Variants in HCN1 observed in about 807,000 individuals in gnomAD.
HCN1 encodes hyperpolarization activated cyclic nucleotide gated potassium channel 1.
A neutral mutation model predicts 78.9 loss-of-function variants in HCN1; 13 were observed. The observed-to-expected ratio is 0.16, with a 90% CI of 0.11 to 0.26. HCN1 has a LOEUF of 0.26. HCN1 is among the 10% of genes least tolerant of loss of function. The pLI is 1.00. For missense variants in HCN1, 810 were observed against 1,154.3 expected (o/e 0.70, Z 4.32); for synonymous variants, 552 against 455.5 (o/e 1.21, Z -2.70).
At chr5:45,419,911 T>C (rs888826275) in intron 3 of HCN1, among the ~76,000 whole-genome samples, 1 of 152,170 alleles carries the variant, frequency 6.6e-6, no homozygotes, top group Non-Finnish European at 1.5e-5. Flanking sequence ...AAAACTTCCT[T>C]CAACTTTGTA....
chr5:45,412,598 C>T (rs1740044855), intron 3 of HCN1, among the ~76,000 whole-genome samples: 1 of 151,976 alleles, frequency 6.6e-6, no homozygotes, highest in African/African-American at 2.4e-5. Context: ...TTAAGCTTCT[C>T]TCTATTTACA....
intron 1 of HCN1, among the ~76,000 whole-genome samples, chr5:45,677,713 G>A (rs757184533): frequency 7.9e-5 from 12 of 151,926 alleles, no homozygotes; most frequent in Admixed American, 1.3e-4. Context: ...GAAAGAGAGC[G>A]AGTAAATCTA....
At chr5:45,334,762 C>G (rs1156827849) in intron 5 of HCN1, among the ~76,000 whole-genome samples, 4 of 151,880 alleles carry the variant, frequency 2.6e-5, no homozygotes, top group African/African-American at 4.8e-5. Flanking sequence ...CAAATCAGAT[C>G]CTTTACATAA....
intron 5 of HCN1, among the ~76,000 whole-genome samples, chr5:45,313,932 G>A (rs1418821034): frequency 6.6e-6 from 1 of 152,154 alleles, no homozygotes; most frequent in Non-Finnish European, 1.5e-5. Flanking sequence ...AACCAAGTTG[G>A]AAAACACTCT....
chr5:45,646,557 T>A (rs1315842298), intron 1 of HCN1, among the ~76,000 whole-genome samples: 1 of 151,774 alleles, frequency 6.6e-6, no homozygotes, highest in Non-Finnish European at 1.5e-5. Flanking sequence ...CTTTAACATT[T>A]CTAATTTAAT....
In HCN1 at chr5:45,301,559, A is replaced by G. The variant is rs1176076225; in HGVS notation, c.1618+2040T>C. Among the ~76,000 whole-genome samples, 3 of 151,526 alleles carry G rather than the reference A, an allele frequency of 2.0e-5. No homozygotes were observed. The East Asian group carries it at 5.9e-4, about 30-fold the overall frequency. ...ATGGTGACATCCCGTCTCTACAAAA[A>G]ATTAAAAAATAGGAAAGCAGGGCAT... is the stretch of plus-strand genomic sequence containing the variant. On this transcript the variant is annotated intron_variant, in intron 6 of 7. Coordinates refer to ENST00000303230, the MANE Select transcript of HCN1 (RefSeq NM_021072.4).
intron 1 of HCN1, among the ~76,000 whole-genome samples, chr5:45,685,735 G>A (rs1217756581): frequency 6.6e-6 from 1 of 151,888 alleles, no homozygotes; most frequent in Admixed American, 6.6e-5. Context: ...AAGTTTTCCA[G>A]TGCTAACTGC....
intron 1 of HCN1, among the ~76,000 whole-genome samples, chr5:45,665,424 T>C (rs1448950843): frequency 2.0e-5 from 3 of 152,098 alleles, no homozygotes; most frequent in East Asian, 1.9e-4. Context: ...ATTGTGCACA[T>C]GTACCCTAAA....
rs773870237 is a variant in HCN1 at position 45,569,395 on chromosome 5, A to T, written c.849+75790T>A. ...TTAAAGGTTTTACCCATGTAGAAAG[A>T]TTTATATTTTAAAAATTCTTTTGAG... On this transcript the variant is annotated intron_variant, in intron 2 of 7. Transcript: ENST00000303230. Among the ~76,000 whole-genome samples, 6 of 152,296 alleles carry T rather than the reference A, an allele frequency of 3.9e-5. No individual in the cohort carries two copies. The South Asian group carries it at 8.3e-4, about 21-fold the overall frequency.
chr5:45,643,048 T>C (rs1176760649), intron 2 of HCN1: 2 of 152,132 alleles, frequency 1.3e-5, no homozygotes, highest in Non-Finnish European at 2.9e-5. Context: ...TGTGCTTGGT[T>C]ACCAAATGTC....
At chr5:45,275,461 T>C (rs550403149) in intron 6 of HCN1, among the ~76,000 whole-genome samples, 2 of 152,260 alleles carry the variant, frequency 1.3e-5, no homozygotes, top group Admixed American at 6.5e-5. Flanking sequence ...TGTAACATGA[T>C]TGTTTGATTT....
At chr5:45,361,395 T>A (rs993680150) in intron 4 of HCN1, among the ~76,000 whole-genome samples, 1 of 152,134 alleles carries the variant, frequency 6.6e-6, no homozygotes. Context: ...GACTGGTCAC[T>A]GCAACCTCAG....
intron 5 of HCN1, among the ~76,000 whole-genome samples, chr5:45,351,785 A>G (rs1433564810): frequency 2.6e-5 from 4 of 151,434 alleles, no homozygotes; most frequent in Non-Finnish European, 5.9e-5. Context: ...AATGCTCATC[A>G]TCACTGGCCA....
intron 2 of HCN1, among the ~76,000 whole-genome samples, chr5:45,602,440 CA>C (rs1744644929): frequency 6.6e-6 from 1 of 152,016 alleles, no homozygotes. Context: ...GAAGAGGCTT[CA>C]AAAGAGACAA....
At chr5:45,295,035 A>G (rs1459525806) in intron 6 of HCN1, among the ~76,000 whole-genome samples, 1 of 152,050 alleles carries the variant, frequency 6.6e-6, no homozygotes, top group Non-Finnish European at 1.5e-5. Flanking sequence ...GTTAAGCAGG[A>G]GTCCAGACAC....
intron 5 of HCN1, among the ~76,000 whole-genome samples, chr5:45,304,275 T>G (rs1254347858): frequency 1.3e-5 from 2 of 149,790 alleles, no homozygotes; most frequent in Non-Finnish European, 2.9e-5. Context: ...TGGGCCCAGC[T>G]ACCAGACAAA....
chr5:45,288,319 C>T (rs1319103259), intron 6 of HCN1, among the ~76,000 whole-genome samples: 1 of 152,036 alleles, frequency 6.6e-6, no homozygotes, highest in Non-Finnish European at 1.5e-5. Context: ...GATAATACTA[C>T]AAATGAAATG....
Position 45,473,455 on chromosome 5 carries a change from A to G in HCN1, c.850-11448T>C, listed in dbSNP as rs996013445. On this transcript the variant is annotated intron_variant, in intron 2 of 7. Coordinates refer to ENST00000303230, the MANE Select transcript of HCN1 (RefSeq NM_021072.4). ...TAACTTTCAATTTTATTGAGAAAAC[A>G]TTGTCATTTACAAATATCTACACTT... Among the ~76,000 whole-genome samples, 3 of 151,476 alleles carry G rather than the reference A, an allele frequency of 2.0e-5. No individual in the cohort carries two copies. The East Asian group carries it at 5.8e-4, about 29-fold the overall frequency.
rs2112031730 is a variant in HCN1 at position 45,645,225 on chromosome 5, C to T, written c.809G>A (p.Arg270Gln). The change falls in exon 2 of 8, where the codon CGA becomes CAA. Residue 270 changes from arginine to glutamine, a missense_variant. Coordinates refer to ENST00000303230, the MANE Select transcript of HCN1 (RefSeq NM_021072.4). ...TKILSLLRLL[R>Q]LSRLIRYIHQ... is the part of the protein sequence containing the mutation. ...TATGTATCTAATTAACCTTGAAAGT[C>T]GTAATAAACGCAAGAGACTGAGAAT... is the stretch of plus-strand genomic sequence containing the variant. The T allele has an allele frequency of 3.7e-6, 6 of 1,613,346 alleles. No homozygotes were observed. The highest frequency in any genetic ancestry group is 3.4e-6 in the Non-Finnish European group (4 of 1,179,644).
Sources: allele counts gnomAD v4.1 joint callset (sites outside exome capture counted in the v4.1 genomes callset), GRCh38; gene constraint gnomAD v4.1.1; transcripts MANE v1.5; gene names NCBI Gene and HGNC (gene_info 2026-07-23, HGNC 2026-07-21).